Variants in LRRC7 observed in about 807,000 individuals in gnomAD.
The protein encoded by LRRC7 is leucine-rich repeat-containing protein 7.
In LRRC7, 23 loss-of-function variants were observed where a neutral mutation model predicts 175.7. That is an observed-to-expected ratio of 0.13 (90% CI 0.09 to 0.19). LRRC7 has a LOEUF of 0.19. Among genes scored for constraint, LRRC7 ranks in the 10% least tolerant of loss-of-function variants. The pLI is 1.00. For synonymous variants in LRRC7, 685 were observed against 680.9 expected (o/e 1.01, Z -0.09); for missense variants, 1,354 against 1,904.7 (o/e 0.71, Z 5.38).
intron 8 of LRRC7, among the ~76,000 whole-genome samples, chr1:69,975,618 A>G (rs1335630355): frequency 6.6e-6 from 1 of 152,160 alleles, no homozygotes; most frequent in African/African-American, 2.4e-5. Context: ...CTACTTCAAT[A>G]TGGACCATTC....
At chr1:69,827,684 A>G (rs1680076282) in intron 5 of LRRC7, among the ~76,000 whole-genome samples, 1 of 151,956 alleles carries the variant, frequency 6.6e-6, no homozygotes, top group African/African-American at 2.4e-5. Flanking sequence ...TAAAGTATGC[A>G]AAAAATTGGC....
At position 69,834,378 on chromosome 1, in the gene LRRC7, A is replaced by T. The variant is rs537280495; in HGVS notation, c.501-402A>T. 2.2e-4 allele frequency among the ~76,000 whole-genome samples: 34 copies of T among 152,278 alleles called. No individual in the cohort carries two copies. In the South Asian group the frequency reaches 6.4e-3, roughly 29 times the overall value. ...GATGATTAAGTGAAATAGTAACTGG[A>T]TGCTCTTGCCTGACTATATATGTGA... On this transcript the variant is annotated intron_variant, in intron 5 of 26. Coordinates refer to ENST00000651989, the MANE Select transcript of LRRC7 (RefSeq NM_001370785.2).
intron 1 of LRRC7, among the ~76,000 whole-genome samples, chr1:69,667,979 GT>G (rs760714065): frequency 1.3e-4 from 19 of 150,124 alleles, no homozygotes; most frequent in African/African-American, 3.7e-4. Flanking sequence ...CCCATTGTAT[GT>G]TTTTTTTTAT....
intron 1 of LRRC7, among the ~76,000 whole-genome samples, chr1:69,650,845 A>G (rs969550915): frequency 6.6e-6 from 1 of 152,204 alleles, no homozygotes; most frequent in Non-Finnish European, 1.5e-5. Flanking sequence ...TGCAAGCATC[A>G]TTGGTTTGGC....
intron 1 of LRRC7, among the ~76,000 whole-genome samples, chr1:69,579,298 T>C (rs781439962): frequency 1.3e-5 from 2 of 152,162 alleles, no homozygotes; most frequent in Non-Finnish European, 2.9e-5. Context: ...CACCGTTAAT[T>C]TGAATATGAA....
intron 7 of LRRC7, among the ~76,000 whole-genome samples, chr1:69,924,648 T>C (rs1647003013): frequency 6.6e-6 from 1 of 152,334 alleles, no homozygotes; most frequent in African/African-American, 2.4e-5. Flanking sequence ...TACATTGATT[T>C]TATATCCTGA....
intron 7 of LRRC7, among the ~76,000 whole-genome samples, chr1:69,916,930 G>A (rs1570642377): frequency 6.6e-6 from 1 of 152,214 alleles, no homozygotes; most frequent in East Asian, 1.9e-4. Flanking sequence ...TTGGTTGGTG[G>A]AAAATGGACT....
chr1:69,784,405 G>C (rs1301490989), intron 3 of LRRC7, among the ~76,000 whole-genome samples: 1 of 151,936 alleles, frequency 6.6e-6, no homozygotes, highest in East Asian at 1.9e-4. Context: ...TATTACATAC[G>C]CTCTTGGGTC....
intron 1 of LRRC7, among the ~76,000 whole-genome samples, chr1:69,619,557 C>T (rs950135863): frequency 1.9e-4 from 29 of 152,078 alleles, no homozygotes; most frequent in Admixed American, 1.6e-3. Flanking sequence ...CTTTTTTCCC[C>T]TCGGAAATAC....
rs937851050 is a variant in LRRC7, at chr1:70,036,130, G to A, written c.2005G>A (p.Val669Ile). 1.9e-6 allele frequency: 3 copies of A among 1,609,468 alleles called. No homozygotes were observed. The highest frequency in any genetic ancestry group is 1.7e-6 in the Non-Finnish European group (2 of 1,178,012). ...TTATTATATCTCTCAGGATTCTTTT[G>A]TTCATCCAGCTAATGAAATGAGGAT... ...PKEITVEDSF[V>I]HPANEMRIGE... Residue 669 changes from valine to isoleucine, a missense_variant, in exon 19 of 27, where the codon GTT becomes ATT. Transcript: ENST00000651989.
At position 70,051,657 on chromosome 1, in the gene LRRC7, C is replaced by CT. The variant is rs994724616; in HGVS notation, c.4111-1359dup. Among the ~76,000 whole-genome samples, 310 of 147,826 alleles carry CT rather than the reference C, an allele frequency of 2.1e-3. 2 individuals are homozygous for CT. The highest frequency in any genetic ancestry group is 6.5e-3 in the African/African-American group (262 of 40,462). ...AGCTTAAATTCAGTACCTTTTTTCT[C>CT]TTTTTTTTTTCATACTTTTTGATAG... On this transcript the variant is annotated intron_variant, in intron 22 of 26. Coordinates refer to ENST00000651989, the MANE Select transcript of LRRC7 (RefSeq NM_001370785.2).
intron 3 of LRRC7, among the ~76,000 whole-genome samples, chr1:69,790,836 T>C (rs2101057347): frequency 6.6e-6 from 1 of 152,122 alleles, no homozygotes; most frequent in East Asian, 1.9e-4. Flanking sequence ...GACAATTAAT[T>C]CTACACTACA....
At chr1:69,819,577 C>CTCTGTGTGTG (rs1553160548) in intron 4 of LRRC7, among the ~76,000 whole-genome samples, 14 of 114,908 alleles carry the variant, frequency 1.2e-4, no homozygotes, top group Non-Finnish European at 1.9e-4. Context: ...CTCTCTCTCT[C>CTCTGTGTGTG]TGTGTGTGTG....
intron 8 of LRRC7, among the ~76,000 whole-genome samples, chr1:69,949,839 T>C (rs1649733022): frequency 6.6e-6 from 1 of 152,162 alleles, no homozygotes; most frequent in Admixed American, 6.6e-5. Context: ...CTTTTGGTAC[T>C]CATTAAAAAA....
At chr1:70,007,630 A>G (rs1656104105) in intron 11 of LRRC7, among the ~76,000 whole-genome samples, 1 of 152,244 alleles carries the variant, frequency 6.6e-6, no homozygotes, top group African/African-American at 2.4e-5. Context: ...CCGTCTTTTC[A>G]TGATACGTTG....
intron 2 of LRRC7, among the ~76,000 whole-genome samples, chr1:69,732,092 C>T (rs1207027386): frequency 6.6e-6 from 1 of 151,850 alleles, no homozygotes; most frequent in African/African-American, 2.4e-5. Flanking sequence ...AAAAGGAAAA[C>T]AGACTCTCGA....
At chr1:69,708,802 T>C (rs895441866) in intron 2 of LRRC7, among the ~76,000 whole-genome samples, 8 of 152,148 alleles carry the variant, frequency 5.3e-5, no homozygotes, top group Non-Finnish European at 8.8e-5. Context: ...ACAGGTTTCT[T>C]TTATAGCCTT....
chr1:69,716,155 G>GA (rs970655341), intron 2 of LRRC7: 25 of 435,180 alleles, frequency 5.7e-5, no homozygotes, highest in South Asian at 7.8e-5. Flanking sequence ...CCCGCTACAT[G>GA]AAAAAAAATG....
chr1:69,676,685 G>A (rs1659813437), intron 1 of LRRC7, among the ~76,000 whole-genome samples: 2 of 151,956 alleles, frequency 1.3e-5, no homozygotes, highest in South Asian at 2.1e-4. Flanking sequence ...CTTTTTTCAA[G>A]AAATCACAAT....
Sources: gnomAD v4.1 joint callset for allele counts (sites outside exome capture counted in the v4.1 genomes callset) on GRCh38, gnomAD v4.1.1 for gene constraint, MANE v1.5 for transcripts, NCBI Gene and HGNC (gene_info 2026-07-23, HGNC 2026-07-21) for gene names.